The following NRXN1 variants were observed in gnomAD, a reference collection of about 807,000 sequenced individuals.
NRXN1 encodes the protein neurexin 1, also known as neurexin-1.
A neutral mutation model predicts 150.9 loss-of-function variants in NRXN1; 39 were observed. The observed-to-expected ratio is 0.26, with a 90% CI of 0.20 to 0.34. The LOEUF (loss-of-function observed/expected upper bound fraction) is 0.34. Ranked by LOEUF, NRXN1 falls within the 10% of genes least tolerant of loss-of-function variation. The pLI is 1.00. For synonymous variants in NRXN1, 924 were observed against 757.0 expected (o/e 1.22, Z -3.62); for missense variants, 1,815 against 1,949.9 (o/e 0.93, Z 1.30).
intron 21 of NRXN1, among the ~76,000 whole-genome samples, chr2:50,047,810 A>G (rs1692070997): frequency 1.3e-5 from 2 of 152,090 alleles, no homozygotes; most frequent in South Asian, 4.1e-4. Context: ...CGGTGCAGAA[A>G]AGTCTAATTT....
chr2:50,990,457 G>A (rs925353588), intron 2 of NRXN1, among the ~76,000 whole-genome samples: 1 of 152,002 alleles, frequency 6.6e-6, no homozygotes, highest in East Asian at 1.9e-4. Context: ...ACTATGCATA[G>A]TTAACAGTTC....
Position 50,802,500 on chromosome 2 carries a change from TGGAAGGAAGGAAGGAA to T in NRXN1, c.832+119353_832+119368del, listed in dbSNP as rs749335750. The stretch of plus-strand genomic sequence containing the variant: ...AGAGTGAATCTCTGAGAAAGAGAAA[TGGAAGGAAGGAAGGAA>T]GGAAGGAAGGAAGGAAGGAAGGAAG... On this transcript the variant is annotated intron_variant, in intron 5 of 22. Transcript: ENST00000401669. 9.6e-3 allele frequency among the ~76,000 whole-genome samples: 848 copies of T among 88,318 alleles called. 11 individuals carry two copies. Among genetic ancestry groups the T allele is most frequent in the Non-Finnish European group, 0.011 (475 of 43,466 alleles). The allele number at this position is 88,318 out of a possible 152,430, so 57.9% of individuals were successfully genotyped here. A position where few individuals can be genotyped will look rare whatever the true frequency, so the allele number is the denominator to read the frequency against.
chr2:50,316,815 G>A (rs373403798), intron 17 of NRXN1, among the ~76,000 whole-genome samples: 1 of 151,838 alleles, frequency 6.6e-6, no homozygotes, highest in Admixed American at 6.6e-5. Context: ...TAATAAAATA[G>A]GGTAAAAAAA....
At chr2:50,950,125 A>C (rs1341154940) in intron 2 of NRXN1, among the ~76,000 whole-genome samples, 1 of 152,106 alleles carries the variant, frequency 6.6e-6, no homozygotes, top group African/African-American at 2.4e-5. Context: ...AAGCTTTTCC[A>C]CTTGTTTCTT....
intron 17 of NRXN1, among the ~76,000 whole-genome samples, chr2:50,446,667 T>C (rs897327319): frequency 6.6e-6 from 1 of 151,320 alleles, no homozygotes; most frequent in Non-Finnish European, 1.5e-5. Flanking sequence ...AACATAATCC[T>C]AAACCCATAG....
intron 5 of NRXN1, among the ~76,000 whole-genome samples, chr2:50,884,495 T>G (rs1197178581): frequency 1.3e-5 from 2 of 151,752 alleles, no homozygotes; most frequent in African/African-American, 2.4e-5. Flanking sequence ...ATTATTTAGT[T>G]TTGAAGATCT....
At chr2:50,803,773 T>C (rs1656773800) in intron 5 of NRXN1, among the ~76,000 whole-genome samples, 1 of 152,162 alleles carries the variant, frequency 6.6e-6, no homozygotes, top group African/African-American at 2.4e-5. Flanking sequence ...ATAAACAAAA[T>C]GTTGGTGTAG....
chr2:49,958,341 A>C (rs2104523659), intron 21 of NRXN1, among the ~76,000 whole-genome samples: 1 of 152,314 alleles, frequency 6.6e-6, no homozygotes, highest in South Asian at 2.1e-4. Context: ...ATAAATAAAC[A>C]TCACTTACAT....
chr2:50,066,443 A>G (rs1233967906), intron 19 of NRXN1, among the ~76,000 whole-genome samples: 1 of 152,232 alleles, frequency 6.6e-6, no homozygotes, highest in East Asian at 1.9e-4. Flanking sequence ...ATTAGAGCAA[A>G]GAAGGTGTGA....
rs552394382 is a variant in NRXN1, at chr2:50,798,190, C to T, written c.832+123679G>A. Among the ~76,000 whole-genome samples, 57 of 152,042 alleles carry T rather than the reference C, an allele frequency of 3.7e-4. 1 individual carries two copies. The highest frequency in any genetic ancestry group is 1.4e-3 in the African/African-American group (57 of 41,466). Reference sequence around the variant, plus strand: ...TTATATATAATCACTTAGGAAACTCCAATAGCAGTAAAAGCATTGGTTAAT... The same window carrying T: ...TTATATATAATCACTTAGGAAACTCTAATAGCAGTAAAAGCATTGGTTAAT... On this transcript the variant is annotated intron_variant, in intron 5 of 22. Coordinates refer to ENST00000401669, the MANE Select transcript of NRXN1 (RefSeq NM_001330078.2).
At chr2:50,117,719 C>A (rs1394767333) in intron 18 of NRXN1, among the ~76,000 whole-genome samples, 1 of 149,414 alleles carries the variant, frequency 6.7e-6, no homozygotes, top group East Asian at 2.0e-4. Context: ...AGAAGAGTTT[C>A]AATGAGTACT....
At chr2:49,991,715 T>C (rs187907372) in intron 21 of NRXN1, among the ~76,000 whole-genome samples, 1 of 152,306 alleles carries the variant, frequency 6.6e-6, no homozygotes, top group African/African-American at 2.4e-5. Flanking sequence ...TCCTGGCAAG[T>C]TATTTTGTGG....
chr2:50,096,453 A>T (rs536738915), intron 18 of NRXN1, among the ~76,000 whole-genome samples: 1 of 152,314 alleles, frequency 6.6e-6, no homozygotes, highest in African/African-American at 2.4e-5. Flanking sequence ...ATTTAAAAGA[A>T]TTCATTTCAA....
intron 18 of NRXN1, among the ~76,000 whole-genome samples, chr2:50,220,413 G>A (rs2063795505): frequency 1.3e-5 from 2 of 151,904 alleles, no homozygotes; most frequent in African/African-American, 2.4e-5. Context: ...AAGAAATTCT[G>A]AAAAGATGCA....
chr2:50,564,755 T>C (rs545199746), intron 8 of NRXN1, among the ~76,000 whole-genome samples: 2 of 152,322 alleles, frequency 1.3e-5, no homozygotes, highest in Admixed American at 6.5e-5. Context: ...GGTTGAGAAC[T>C]GTTATTTTTC....
At chr2:50,967,999 T>C (rs559222458) in intron 2 of NRXN1, among the ~76,000 whole-genome samples, 101 of 152,192 alleles carry the variant, frequency 6.6e-4, no homozygotes, top group African/African-American at 2.2e-3. Flanking sequence ...GGCTAACTTT[T>C]TATTTTAGGA....
At chr2:50,608,469 G>A (rs977916129) in intron 8 of NRXN1, among the ~76,000 whole-genome samples, 9 of 152,128 alleles carry the variant, frequency 5.9e-5, no homozygotes, top group Non-Finnish European at 1.2e-4. Flanking sequence ...CTCTAGGTAT[G>A]CTATGAGTTG....
intron 21 of NRXN1, among the ~76,000 whole-genome samples, chr2:49,985,899 G>A (rs1443691257): frequency 6.6e-6 from 1 of 152,106 alleles, no homozygotes; most frequent in Admixed American, 6.5e-5. Flanking sequence ...CATTCGATGG[G>A]GCCATACCAA....
chr2:50,084,555 G>A (rs34404961), intron 19 of NRXN1, among the ~76,000 whole-genome samples: 40,056 of 151,930 alleles, frequency 0.26, 5,646 homozygotes, highest in Admixed American at 0.39. Flanking sequence ...GCCTGCAAGC[G>A]CCGCACGCAG....
Sources: allele counts gnomAD v4.1 joint callset (sites outside exome capture counted in the v4.1 genomes callset), GRCh38; gene constraint gnomAD v4.1.1; transcripts MANE v1.5; gene names NCBI Gene and HGNC (gene_info 2026-07-23, HGNC 2026-07-21).